The following FLI1 variants were observed in gnomAD, a reference collection of about 807,000 sequenced individuals.
FLI1 encodes Friend leukemia integration 1 transcription factor.
A neutral mutation model predicts 53.1 loss-of-function variants in FLI1; 13 were observed. That is an observed-to-expected ratio of 0.24 (90% CI 0.16 to 0.39). FLI1 has a LOEUF of 0.39. Ranked by LOEUF, FLI1 falls within the 10% of genes least tolerant of loss-of-function variation. The pLI is 1.00. For synonymous variants in FLI1, 244 were observed against 236.7 expected (o/e 1.03, Z -0.28); for missense variants, 424 against 600.5 (o/e 0.71, Z 3.07).
At chr11:128,804,933 C>T (rs1177715034) in intron 5 of FLI1, 1 of 154,466 alleles carries the variant, frequency 6.5e-6, no homozygotes, top group Non-Finnish European at 1.4e-5. Flanking sequence ...AACCTTGTGT[C>T]AGTTTATATT....
At chr11:128,786,736 A>G (rs1942097985) in intron 5 of FLI1, among the ~76,000 whole-genome samples, 1 of 152,176 alleles carries the variant, frequency 6.6e-6, no homozygotes, top group Non-Finnish European at 1.5e-5. Context: ...GTGTGCAACA[A>G]TCAGCACATC....
upstream of FLI1, among the ~76,000 whole-genome samples, chr11:128,692,331 T>C (rs1223783382): frequency 6.6e-6 from 1 of 152,142 alleles, no homozygotes; most frequent in Non-Finnish European, 1.5e-5. Flanking sequence ...CTGACCCCGC[T>C]AGCGGTAACC....
chr11:128,690,479 G>T (rs1425164172), upstream of FLI1, among the ~76,000 whole-genome samples: 1 of 152,206 alleles, frequency 6.6e-6, no homozygotes, highest in Non-Finnish European at 1.5e-5. Flanking sequence ...GAAGAAGCCC[G>T]GGAAGCCCGT....
At chr11:128,686,354 G>A (rs1327634604), upstream of FLI1, 2 of 456,144 alleles carry the variant, frequency 4.4e-6, no homozygotes, top group Non-Finnish European at 4.4e-6. Flanking sequence ...GTCTGATTTC[G>A]GGCAGGGGAG....
chr11:128,695,664 G>T (rs1249283780), intron 1 of FLI1, among the ~76,000 whole-genome samples: 1 of 152,188 alleles, frequency 6.6e-6, no homozygotes, highest in Non-Finnish European at 1.5e-5. Flanking sequence ...AACTGACTGT[G>T]ATGGGTTAAA....
At chr11:128,762,855 C>T (rs911929744) in intron 2 of FLI1, among the ~76,000 whole-genome samples, 2 of 151,992 alleles carry the variant, frequency 1.3e-5, no homozygotes, top group African/African-American at 4.8e-5. Flanking sequence ...ACTCAGGAGG[C>T]TGAGGCAGGA....
chr11:128,779,172 T>C (rs901662865), intron 4 of FLI1, among the ~76,000 whole-genome samples: 39 of 152,204 alleles, frequency 2.6e-4, no homozygotes, highest in African/African-American at 8.9e-4. Context: ...CTTTCACCAA[T>C]GGGGAAATTT....
rs753960698 is a variant in FLI1 at position 128,810,449 on chromosome 11, C to T, written c.830-10C>T. ...GTTCTGTTCTCTCCCGTTTGCCTCA[C>T]GGCGTGCAGGAAGCGGGCAGATCCA... On this transcript the variant is annotated splice_polypyrimidine_tract_variant and intron_variant, in intron 8 of 8. Coordinates refer to ENST00000527786, the MANE Select transcript of FLI1 (RefSeq NM_002017.5). The surrounding 1 kb of genome is among the most constrained non-coding windows in gnomAD (Gnocchi z 6.6). 7 of 1,582,698 alleles carry T rather than the reference C, an allele frequency of 4.4e-6. No individual in the cohort carries two copies. The highest frequency in any genetic ancestry group is 1.8e-5 in the Admixed American group (1 of 55,494).
At chr11:128,722,380 C>A (rs551175814) in intron 1 of FLI1, among the ~76,000 whole-genome samples, 1 of 152,120 alleles carries the variant, frequency 6.6e-6, no homozygotes, top group Admixed American at 6.6e-5. Context: ...AGGCAAGGAG[C>A]AGAGCAGCCT....
chr11:128,787,425 T>C (rs1317937442), intron 5 of FLI1, among the ~76,000 whole-genome samples: 2 of 152,228 alleles, frequency 1.3e-5, no homozygotes, highest in African/African-American at 4.8e-5. Context: ...TCCTCTAGGC[T>C]GCTTCTGGAA....
rs1182112774 is a variant in FLI1, at chr11:128,811,630, T to C, written c.*642T>C. The C allele has an allele frequency of 1.4e-5, 3 of 211,426 alleles. No individual in the cohort carries two copies. The highest frequency in any genetic ancestry group is 3.8e-4 in the South Asian group (2 of 5,326). 13.1% of individuals were successfully genotyped at this position (211,426 alleles called of 1,614,324 possible). ...ACTCTCTCTAGAAATAGTCAAGATA[T>C]GAACTAAGAAATTTTAATGCAAATA... On this transcript the variant is annotated 3_prime_UTR_variant, in exon 9 of 9. Transcript: ENST00000527786.
chr11:128,793,939 G>A (rs1225745801), intron 5 of FLI1, among the ~76,000 whole-genome samples: 1 of 152,150 alleles, frequency 6.6e-6, no homozygotes, highest in Non-Finnish European at 1.5e-5. Flanking sequence ...TGCCAAGGAG[G>A]GGCTTTCATG....
At chr11:128,786,610 C>A (rs12275915) in intron 5 of FLI1, among the ~76,000 whole-genome samples, 28,910 of 152,076 alleles carry the variant, frequency 0.19, 3,153 homozygotes, top group Admixed American at 0.34. Context: ...TGTTCTCTCC[C>A]GTCCTCCAGG....
intron 1 of FLI1, among the ~76,000 whole-genome samples, chr11:128,721,538 C>G (rs528183565): frequency 6.6e-6 from 1 of 152,310 alleles, no homozygotes; most frequent in Middle Eastern, 3.4e-3. Context: ...GGTTCAGTCT[C>G]ACAGTCCAGC....
chr11:128,718,924 C>T (rs1939133043), intron 1 of FLI1, among the ~76,000 whole-genome samples: 1 of 152,206 alleles, frequency 6.6e-6, no homozygotes, highest in Non-Finnish European at 1.5e-5. Context: ...TGAGATCAGG[C>T]TTTCTTGGAC....
At chr11:128,701,125 A>C (rs1938314452) in intron 1 of FLI1, among the ~76,000 whole-genome samples, 1 of 152,148 alleles carries the variant, frequency 6.6e-6, no homozygotes, top group East Asian at 1.9e-4. Flanking sequence ...CTTCAAAGAC[A>C]CCTGTTGATT....
At chr11:128,799,517 G>A (rs1942562672) in intron 5 of FLI1, among the ~76,000 whole-genome samples, 1 of 152,180 alleles carries the variant, frequency 6.6e-6, no homozygotes, top group Non-Finnish European at 1.5e-5. Flanking sequence ...CAAAGCAGCT[G>A]AGCAACATGA....
At chr11:128,743,746 G>A (rs77788210) in intron 1 of FLI1, among the ~76,000 whole-genome samples, 10,105 of 152,218 alleles carry the variant, frequency 0.066, 435 homozygotes, top group South Asian at 0.15. Flanking sequence ...AACTGTCCGT[G>A]GGTTTTAGCT....
chr11:128,800,285 C>T (rs993679149), intron 5 of FLI1, among the ~76,000 whole-genome samples: 1 of 152,112 alleles, frequency 6.6e-6, no homozygotes, highest in South Asian at 2.1e-4. Context: ...TAGCAGCAAC[C>T]AGAAATTCAA....
Sources: allele counts gnomAD v4.1 joint callset (sites outside exome capture counted in the v4.1 genomes callset), GRCh38; gene constraint gnomAD v4.1.1; non-coding constraint Gnocchi (gnomAD v3.1); transcripts MANE v1.5; gene names NCBI Gene and HGNC (gene_info 2026-07-23, HGNC 2026-07-21).